PLAT: variants seen among roughly 807,000 people sequenced by gnomAD.
PLAT encodes plasminogen activator, tissue type, also known as tissue-type plasminogen activator.
Under a neutral mutation model 74.9 loss-of-function variants are expected in PLAT, and 48 were observed. That is an observed-to-expected ratio of 0.64 (90% CI 0.51 to 0.82). The LOEUF is 0.82. Among genes scored for constraint, PLAT ranks in the 40% least tolerant of loss-of-function variants. The pLI is 0.00. For missense variants in PLAT, 673 were observed against 736.2 expected (o/e 0.91, Z 0.99); for synonymous variants, 307 against 294.4 (o/e 1.04, Z -0.44).
intron 6 of PLAT, 59 bp from the exon 7 acceptor site, chr8:42,185,231 G>T: frequency 9.6e-7 from 1 of 1,041,824 alleles, no homozygotes; most frequent in Non-Finnish European, 1.4e-6. Flanking sequence ...TCTCCTTTAG[G>T]ACCCAAGGAC....
In PLAT at chr8:42,187,131, ATCTG is replaced by A. The variant is rs1805508449; in HGVS notation, c.539+263_539+266del. 15 of 367,948 alleles carry A rather than the reference ATCTG, an allele frequency of 4.1e-5. No homozygotes were observed. In the Admixed American group the frequency reaches 4.7e-4, roughly 11 times the overall value. 22.8% of individuals were successfully genotyped at this position (367,948 alleles called of 1,614,324 possible). On this transcript the variant is annotated intron_variant, in intron 6 of 13. Transcript: ENST00000220809. The stretch of plus-strand genomic sequence containing the variant: ...ATCTATCATCTATCTATCACCTATC[ATCTG>A]TCTATCTGTCATCCATCTACCGTCT...
Position 42,193,177 on chromosome 8 carries a change from T to C in PLAT, c.9A>G (p.Ala3=). The change falls in exon 2 of 14, where the codon GCA becomes GCG. Residue 3 remains alanine (A), a synonymous_variant. Transcript: ENST00000220809. MD[A]MKRGLCCVLL... Reference sequence around the variant, plus strand: ...GCACACAGCAGAGCCCTCTCTTCATTGCATCCATGATTGCTTCACAGCGTC... The same window carrying C: ...GCACACAGCAGAGCCCTCTCTTCATCGCATCCATGATTGCTTCACAGCGTC... The C allele has an allele frequency of 8.7e-6, 14 of 1,613,662 alleles. No individual in the cohort carries two copies. The highest frequency in any genetic ancestry group is 1.0e-5 in the Non-Finnish European group (12 of 1,179,596).
At chr8:42,191,344 C>A (rs1197235899) in intron 3 of PLAT, 28 bp downstream of exon 3, 1 of 1,606,458 alleles carries the variant, frequency 6.2e-7, no homozygotes, top group Non-Finnish European at 8.5e-7. Context: ...TCCCTGATGA[C>A]CCCATGCACC....
chr8:42,194,467 G>A (rs896435323), intron 1 of PLAT, among the ~76,000 whole-genome samples: 22 of 152,050 alleles, frequency 1.4e-4, no homozygotes, highest in African/African-American at 3.4e-4. Context: ...TTATCCATTC[G>A]TCTGTCAATG....
rs1564128197 is a variant in PLAT, at chr8:42,182,841, G to T, written c.681C>A (p.His227Gln). Residue 227 changes from histidine to glutamine, a missense_variant, in exon 8 of 14, where the codon CAC becomes CAA. His to Gln is a conservative substitution (Grantham distance 24). Transcript: ENST00000220809. The part of the protein sequence containing the change: ...FGNGSAYRGT[H>Q]SLTESGASCL... The stretch of plus-strand genomic sequence containing the variant: ...AGGAGGCACCCGACTCGGTGAGGCT[G>T]TGCGTGCCACGGTAGGCTGACCCAT... 3 of 1,613,646 alleles carry T rather than the reference G, an allele frequency of 1.9e-6. No homozygotes were observed.
intron 1 of PLAT, among the ~76,000 whole-genome samples, chr8:42,202,777 T>C (rs8178685): frequency 0.13 from 20,306 of 151,948 alleles, 2,219 homozygotes; most frequent in African/African-American, 0.3. Context: ...GAGTGGAATG[T>C]GGAGGAGGTT....
intron 1 of PLAT, among the ~76,000 whole-genome samples, chr8:42,201,791 T>C (rs1052765059): frequency 6.6e-6 from 1 of 152,172 alleles, no homozygotes; most frequent in South Asian, 2.1e-4. Flanking sequence ...GCCATCTCTA[T>C]TGATAAGGCC....
At chr8:42,204,821 C>A (rs1374781450) in intron 1 of PLAT, among the ~76,000 whole-genome samples, 1 of 151,514 alleles carries the variant, frequency 6.6e-6, no homozygotes, top group Non-Finnish European at 1.5e-5. Flanking sequence ...AGTTCGAGAC[C>A]AGCCTGATCA....
intron 1 of PLAT, among the ~76,000 whole-genome samples, chr8:42,203,219 C>G (rs538914282): frequency 6.6e-6 from 1 of 152,228 alleles, no homozygotes; most frequent in South Asian, 2.1e-4. Flanking sequence ...GAAGTGATCA[C>G]TTCAGAGGCT....
intron 12 of PLAT, 57 bp downstream of exon 12, chr8:42,179,869 C>T: frequency 6.8e-7 from 1 of 1,472,278 alleles, no homozygotes; most frequent in Non-Finnish European, 9.1e-7. Context: ...TCTGGTGGAC[C>T]GCAGCCTCCC....
Position 42,185,167 on chromosome 8 carries a change from G to T in PLAT, c.545C>A (p.Pro182Gln). The T allele has an allele frequency of 6.2e-7, 1 of 1,609,766 alleles. No homozygotes were observed. Among genetic ancestry groups the T allele is most frequent in the Non-Finnish European group, 8.5e-7 (1 of 1,177,834 alleles). The change falls in exon 7 of 14, where the codon CCA (proline) becomes CAA (glutamine). Residue 182 changes from proline (P) to glutamine (Q), a missense_variant. Pro to Gln is a moderately conservative substitution (Grantham distance 76, BLOSUM62 -1). Transcript: ENST00000220809. ...GLGNHNYCRN[P>Q]DRDSKPWCYV... Reference sequence around the variant, plus strand: ...GCACCAGGGCTTTGAGTCTCGATCTGGGTTTCTGAAAAATCAGCCAAGGGA... The same window carrying T: ...GCACCAGGGCTTTGAGTCTCGATCTTGGTTTCTGAAAAATCAGCCAAGGGA...
Position 42,178,960 on chromosome 8 carries a change from G to T in PLAT, c.1467C>A (p.Asn489Lys). ...TCCGAGTGTCTCCAGCACACAGCAT[G>T]TTGTCGGTGACTGTTCTGTTAAGTA... The part of the protein sequence containing the change: ...QHLLNRTVTD[N>K]MLCAGDTRSG... The change falls in exon 13 of 14, where the codon AAC (asparagine) becomes AAA (lysine). Residue 489 changes from asparagine (N) to lysine (K), a missense_variant. Asn to Lys is a moderately conservative substitution (Grantham distance 94). Transcript: ENST00000220809. 1 of 1,614,138 alleles carries T rather than the reference G, an allele frequency of 6.2e-7. No individual in the cohort carries two copies. The highest frequency in any genetic ancestry group is 1.1e-5 in the South Asian group (1 of 91,086).
Position 42,182,032 on chromosome 8 carries a change from A to G in PLAT, c.804-10T>C, listed in dbSNP as rs1331614030. The G allele has an allele frequency of 6.5e-7, 1 of 1,534,754 alleles. No individual in the cohort carries two copies. Among genetic ancestry groups the G allele is most frequent in the South Asian group, 1.1e-5 (1 of 89,462 alleles). On this transcript the variant is annotated splice_polypyrimidine_tract_variant and intron_variant, in intron 8 of 13. Transcript: ENST00000220809. ...ATCCCCATCAGGATTCCTAAATGAT[A>G]AGAGAGTTTAAGGTTTCCTTTTTAT...
chr8:42,181,902 C>T (rs961893946), intron 9 of PLAT, 35 bp downstream of exon 9: 2 of 1,248,698 alleles, frequency 1.6e-6, no homozygotes, highest in African/African-American at 1.5e-5. Flanking sequence ...GAAGGGAGAC[C>T]AGGTGCAGGG....
At chr8:42,182,673 C>G in intron 8 of PLAT, 46 bp downstream of exon 8, 2 of 1,470,096 alleles carry the variant, frequency 1.4e-6, no homozygotes, top group Non-Finnish European at 1.8e-6. Context: ...ACACCCTAAT[C>G]CCACGTTCTG....
Position 42,180,287 on chromosome 8 carries a change from T to G in PLAT, c.1177A>C (p.Ile393Leu). Reference protein sequence around the residue: ...EEQKFEVEKYIVHKEFDDDTY... With the variant: ...EEQKFEVEKYLVHKEFDDDTY... ...TCATCATCGAATTCCTTATGGACAA[T>G]GTATTTTTCGACTTCAAATTTCTGC... The change falls in exon 11 of 14, where the codon ATT becomes CTT. Residue 393 changes from isoleucine (I) to leucine (L), a missense_variant. Coordinates refer to ENST00000220809, the MANE Select transcript of PLAT (RefSeq NM_000930.5). The G allele has an allele frequency of 6.2e-7, 1 of 1,614,196 alleles. No homozygotes were observed.
chr8:42,188,839 G>A (rs1343539401), intron 4 of PLAT, 95 bp downstream of exon 4: 4 of 1,013,810 alleles, frequency 3.9e-6, no homozygotes, highest in Non-Finnish European at 6.0e-6. Flanking sequence ...TGCCCAGATT[G>A]GTCTTGAACT....
rs1339393400 is a variant in PLAT at position 42,188,953 on chromosome 8, G to T, written c.234C>A (p.Cys78Ter). The T allele has an allele frequency of 6.2e-7, 1 of 1,613,788 alleles. No homozygotes were observed. Among genetic ancestry groups the T allele is most frequent in the East Asian group, 2.2e-5 (1 of 44,882 alleles). The change falls in exon 4 of 14, where the codon TGC becomes TGA. Residue 78 changes from cysteine to a stop codon, truncating the protein, a stop_gained. Coordinates refer to ENST00000220809, the MANE Select transcript of PLAT (RefSeq NM_000930.5). LOFTEE classifies it high-confidence loss of function. The part of the protein sequence containing the change: ...YCWCNSGRAQ[C>*]HSVPVKSCSE... ...ACATACTTTTGACAGGCACTGAGTG[G>T]CACTGTGCCCTGCCACTGTTGCACC...
At chr8:42,193,371 A>G (rs977672246) in intron 1 of PLAT, among the ~76,000 whole-genome samples, 160 bp from the exon 2 acceptor site, 2 of 152,196 alleles carry the variant, frequency 1.3e-5, no homozygotes, top group East Asian at 1.9e-4. Context: ...TAGAAACTAC[A>G]TATTTTTTAT....
Sources: gnomAD v4.1 joint callset for allele counts (sites outside exome capture counted in the v4.1 genomes callset) on GRCh38, gnomAD v4.1.1 for gene constraint, MANE v1.5 for transcripts, NCBI Gene and HGNC (gene_info 2026-07-23, HGNC 2026-07-21) for gene names.